Variants in SLC23A1 observed in about 807,000 individuals in gnomAD.
The protein encoded by SLC23A1 is Na(+)/L-ascorbic acid transporter 1.
SLC23A1 carries 31 observed loss-of-function variants against 62.5 expected under a neutral mutation model. That is an observed-to-expected ratio of 0.50 (90% CI 0.37 to 0.67). The LOEUF (loss-of-function observed/expected upper bound fraction) is 0.67, where lower values mean the gene tolerates loss of function less well. Among genes scored for constraint, SLC23A1 ranks in the 30% least tolerant of loss-of-function variants. The pLI is 0.00. For synonymous variants in SLC23A1, 271 were observed against 313.2 expected, an observed-to-expected ratio of 0.87 and a Z score of 1.42; for missense variants, 640 against 782.7, an observed-to-expected ratio of 0.82 and a Z score of 2.18.
intron 13 of SLC23A1, 37 bp from the exon 14 acceptor site, chr5:139,372,290 C>T (rs893950971): frequency 1.9e-6 from 3 of 1,590,726 alleles, no homozygotes; most frequent in African/African-American, 2.7e-5. Flanking sequence ...CCAAGGCCAG[C>T]AACCCTCAGC....
Position 139,379,111 on chromosome 5 carries a change from G to A in SLC23A1, c.1073+96C>T. 1 of 1,297,776 alleles carries A rather than the reference G, an allele frequency of 7.7e-7. No homozygotes were observed. The allele number at this position is 1,297,776 out of a possible 1,614,324, so 80.4% of individuals were successfully genotyped here. On this transcript the variant is annotated intron_variant, in intron 9 of 14. Transcript: ENST00000348729. This position sits in a 1 kb window ranked among gnomAD's most constrained non-coding sequence, Gnocchi z 4.7. ...GAGGTCTGGAGCGTGTTCCCGACTT[G>A]CCTAAGCCTACCCCCTGGGCCTCCA...
chr5:139,378,626 C>A lies in SLC23A1; in HGVS notation c.1132G>T (p.Gly378Trp). The A allele has an allele frequency of 2.5e-6, 4 of 1,612,178 alleles. No homozygotes were observed. The highest frequency in any genetic ancestry group is 2.2e-5 in the East Asian group (1 of 44,812). The change falls in exon 10 of 15, where the codon GGG (glycine) becomes TGG (tryptophan). Residue 378 changes from glycine (G) to tryptophan (W), a missense_variant. Transcript: ENST00000348729. This position sits in a 1 kb window ranked among gnomAD's most constrained non-coding sequence, Gnocchi z 4.5. ...IIAGLLGTGN[G>W]STSSSPNIGV... ...ATGTTGGGACTGGACGAGGTGGACC[C>A]GTTGCCCGTGCCCAATAGCCCCGCG...
chr5:139,372,537 C>G (rs1757723962), intron 13 of SLC23A1, among the ~76,000 whole-genome samples: 1 of 151,982 alleles, frequency 6.6e-6, no homozygotes, highest in Non-Finnish European at 1.5e-5. Context: ...GAAAACATAC[C>G]CCTGGGAGAT....
In SLC23A1 at chr5:139,367,558, G is replaced by T. The variant is rs1176612554; in HGVS notation, c.*93C>A. The stretch of plus-strand genomic sequence containing the variant: ...GAGTTTACACAGAAGTTAGTTAGGG[G>T]CAGGGCTGGGATTTCAGGCTTAGGT... On this transcript the variant is annotated 3_prime_UTR_variant, in exon 15 of 15. Transcript: ENST00000348729. 6.6e-6 allele frequency: 1 copy of T among 152,038 alleles called. No individual in the cohort carries two copies. The highest frequency in any genetic ancestry group is 2.4e-5 in the African/African-American group (1 of 41,388). 9.4% of individuals were successfully genotyped at this position (152,038 alleles called of 1,614,324 possible).
intron 14 of SLC23A1, chr5:139,369,176 A>T (rs1331050090): frequency 6.3e-6 from 1 of 158,868 alleles, no homozygotes; most frequent in Non-Finnish European, 1.4e-5. Context: ...ACTGTTAAGC[A>T]TATTTCTCAG....
At chr5:139,383,305 C>T (rs1340676939), upstream of SLC23A1, 1 of 1,602,986 alleles carries the variant, frequency 6.2e-7, no homozygotes, top group South Asian at 1.1e-5. Context: ...GATGACTTGA[C>T]AAAGGCCAAG....
upstream of SLC23A1, chr5:139,383,392 AG>A (rs1758386389): frequency 8.2e-6 from 12 of 1,472,342 alleles, no homozygotes; most frequent in South Asian, 1.8e-4. Context: ...GGATTGCGAA[AG>A]GGGGGCCCGG....
Position 139,379,752 on chromosome 5 carries a change from T to C in SLC23A1, c.851A>G (p.Tyr284Cys). Residue 284 changes from tyrosine to cysteine, a missense_variant, in exon 8 of 15, where the codon TAT (tyrosine) becomes TGT (cysteine). Coordinates refer to ENST00000348729, the MANE Select transcript of SLC23A1 (RefSeq NM_005847.5). This position sits in a 1 kb window ranked among gnomAD's most constrained non-coding sequence, Gnocchi z 4.7. The stretch of plus-strand genomic sequence containing the variant: ...GGCATCGGTTCGTGCCTGGAAGCCA[T>C]AGGCTTTTGGGTCTGTGGGCAGCAC... ...TDVLPTDPKAYGFQARTDARG... is the reference protein window; with the variant it reads ...TDVLPTDPKACGFQARTDARG... 1 of 1,613,874 alleles carries C rather than the reference T, an allele frequency of 6.2e-7. No homozygotes were observed. Among genetic ancestry groups the C allele is most frequent in the South Asian group, 1.1e-5 (1 of 91,066 alleles).
chr5:139,367,617 T>C lies in SLC23A1; in HGVS notation c.*34A>G, dbSNP rs1307528195. On this transcript the variant is annotated 3_prime_UTR_variant, in exon 15 of 15. Coordinates refer to ENST00000348729, the MANE Select transcript of SLC23A1 (RefSeq NM_005847.5). ...TCCCCATGTAGTTTTCTTTTCCTGT[T>C]ATATACCATGCTTCCTGTGGGAATT... The C allele has an allele frequency of 6.6e-6, 1 of 152,224 alleles. No individual in the cohort carries two copies. The highest frequency in any genetic ancestry group is 2.4e-5 in the African/African-American group (1 of 41,456). 9.4% of individuals were successfully genotyped at this position (152,224 alleles called of 1,614,324 possible). A position where few individuals can be genotyped will look rare whatever the true frequency, so the allele number is the denominator to read the frequency against.
upstream of SLC23A1, among the ~76,000 whole-genome samples, chr5:139,384,992 G>T (rs934998364): frequency 6.6e-6 from 1 of 152,104 alleles, no homozygotes; most frequent in Non-Finnish European, 1.5e-5. Flanking sequence ...AGTGGCCAGG[G>T]CCTGCCCCAG....
upstream of SLC23A1, chr5:139,384,330 C>T (rs1758424035): frequency 1.6e-6 from 2 of 1,263,170 alleles, 1 homozygote; most frequent in Non-Finnish European, 2.1e-6. Context: ...TGGGCTGCCC[C>T]AGCCCCAGCA....
Position 139,381,895 on chromosome 5 carries a change from A to T in SLC23A1, c.305T>A (p.Ile102Asn). The T allele has an allele frequency of 1.9e-6, 3 of 1,556,124 alleles. No individual in the cohort carries two copies. Among genetic ancestry groups the T allele is most frequent in the Admixed American group, 1.9e-5 (1 of 51,702 alleles). ...ITTLIQTTVG[I>N]RLPLFQASAF... ...GTTGGGGGGCTGGGCGGCTCACCGGATGCCCACGGTGGTCTGGATGAGAGT... is the reference window on the plus strand; with the variant it reads ...GTTGGGGGGCTGGGCGGCTCACCGGTTGCCCACGGTGGTCTGGATGAGAGT... The change falls in exon 3 of 15, where the codon ATC (isoleucine) becomes AAC (asparagine). Residue 102 changes from isoleucine to asparagine, a missense_variant. By Grantham distance (149) the Ile-to-Asn change is moderately radical. Transcript: ENST00000348729.
intron 3 of SLC23A1, 104 bp downstream of exon 3, chr5:139,381,788 G>A (rs1049081686): frequency 1.4e-4 from 129 of 925,696 alleles, no homozygotes; most frequent in Non-Finnish European, 2.1e-4. Context: ...GGCAGAAAGC[G>A]GCTTTTTTGT....
At chr5:139,381,007 G>T in intron 3 of SLC23A1, 121 bp from the exon 4 acceptor site, 2 of 611,880 alleles carry the variant, frequency 3.3e-6, no homozygotes, top group East Asian at 2.8e-5. Flanking sequence ...AAGGGACAAG[G>T]GCAGATGGAA....
chr5:139,378,552 G>A lies in SLC23A1; in HGVS notation c.1179+27C>T, dbSNP rs779181491. On this transcript the variant is annotated intron_variant, in intron 10 of 14. Transcript: ENST00000348729. The surrounding 1 kb of genome is among the most constrained non-coding windows in gnomAD (Gnocchi z 4.5). ...GCCTGCGGCCCACGGAATTAGGGCA[G>A]GATTTGGCTCTGGCTCGTCGCGACA... The A allele has an allele frequency of 6.5e-7, 1 of 1,535,796 alleles. No individual in the cohort carries two copies. The highest frequency in any genetic ancestry group is 8.8e-7 in the Non-Finnish European group (1 of 1,131,072).
At chr5:139,373,175 TTTG>T (rs963982098) in intron 13 of SLC23A1, among the ~76,000 whole-genome samples, 201 of 152,152 alleles carry the variant, frequency 1.3e-3, no homozygotes, top group African/African-American at 2.8e-3. Flanking sequence ...TTGTGTTTTT[TTTG>T]TTGTTGTTGT....
At position 139,382,544 on chromosome 5, in the gene SLC23A1, TACA is replaced by T. The variant is rs765797895; in HGVS notation, c.95_97del (p.Leu32del). 4 of 1,613,444 alleles carry T rather than the reference TACA, an allele frequency of 2.5e-6. No individual in the cohort carries two copies. The highest frequency in any genetic ancestry group is 2.2e-5 in the South Asian group (2 of 91,016). On this transcript the variant is annotated inframe_deletion, in exon 2 of 15. Transcript: ENST00000348729. ...CCAAGGTGGCACGTCCTCGATCTTG[TACA>T]ACATGTCAAACTTAGGCTCTGTGGG... is the stretch of plus-strand genomic sequence containing the variant.
chr5:139,372,468 T>G (rs970754011), intron 13 of SLC23A1, among the ~76,000 whole-genome samples: 1 of 152,252 alleles, frequency 6.6e-6, no homozygotes, highest in African/African-American at 2.4e-5. Context: ...GTATTTATTG[T>G]GTAACTACAG....
Position 139,367,467 on chromosome 5 carries a change from T to C in SLC23A1, c.*184A>G, listed in dbSNP as rs1201585185. On this transcript the variant is annotated 3_prime_UTR_variant, in exon 15 of 15. Transcript: ENST00000348729. Reference sequence around the variant, plus strand: ...TCTCTAAGACTCAGACTTTGGCCCATTCCCCCCCACCCCTTTTTTTTTAAC... The same window carrying C: ...TCTCTAAGACTCAGACTTTGGCCCACTCCCCCCCACCCCTTTTTTTTTAAC... The C allele has an allele frequency of 2.0e-5, 3 of 151,924 alleles. No individual in the cohort carries two copies. Among genetic ancestry groups the C allele is most frequent in the African/African-American group, 7.2e-5 (3 of 41,380 alleles). The allele number at this position is 151,924 out of a possible 1,614,324, so 9.4% of individuals were successfully genotyped here.
Sources: allele counts gnomAD v4.1 joint callset (sites outside exome capture counted in the v4.1 genomes callset), GRCh38; gene constraint gnomAD v4.1.1; non-coding constraint Gnocchi (gnomAD v3.1); transcripts MANE v1.5; gene names NCBI Gene and HGNC (gene_info 2026-07-23, HGNC 2026-07-21).